UBE2V2: variants seen among roughly 807,000 people sequenced by gnomAD.
UBE2V2 encodes ubiquitin conjugating enzyme E2 V2, also known as ubiquitin-conjugating enzyme E2 variant 2.
Under a neutral mutation model 17.2 loss-of-function variants are expected in UBE2V2, and 9 were observed. The observed-to-expected ratio is 0.52, with a 90% CI of 0.32 to 0.91. UBE2V2 has a LOEUF of 0.91. Among genes scored for constraint, UBE2V2 ranks in the 40% least tolerant of loss-of-function variants. The pLI is 0.04. For missense variants in UBE2V2, 133 were observed against 182.6 expected, an observed-to-expected ratio of 0.73 and a Z score of 1.56; for synonymous variants, 61 against 57.5, an observed-to-expected ratio of 1.06 and a Z score of -0.28.
chr8:48,053,738 T>A (rs2091554605), intron 3 of UBE2V2, among the ~76,000 whole-genome samples: 1 of 151,646 alleles, frequency 6.6e-6, no homozygotes, highest in Admixed American at 6.6e-5. Context: ...ATTTTTTTCT[T>A]ATTAGTACAA....
intron 1 of UBE2V2, among the ~76,000 whole-genome samples, chr8:48,012,746 A>G (rs2091242358): frequency 6.6e-6 from 1 of 152,146 alleles, no homozygotes; most frequent in Admixed American, 6.6e-5. Flanking sequence ...AAGCGTGTGC[A>G]ATAGTTTTAA....
the UBE2V2 span, among the ~76,000 whole-genome samples, chr8:48,002,984 G>A: frequency 6.6e-6 from 1 of 152,132 alleles, no homozygotes; most frequent in African/African-American, 2.4e-5. Context: ...GGCCGAAGAA[G>A]GCGAATCATG....
At chr8:48,011,605 A>G (rs912800930) in intron 1 of UBE2V2, among the ~76,000 whole-genome samples, 10 of 152,220 alleles carry the variant, frequency 6.6e-5, no homozygotes, top group Admixed American at 6.5e-5. Context: ...TAGCCCCTTT[A>G]ACCCTTCCTT....
intron 3 of UBE2V2, among the ~76,000 whole-genome samples, chr8:48,059,337 T>C (rs1427445877): frequency 6.6e-6 from 1 of 151,930 alleles, no homozygotes; most frequent in East Asian, 1.9e-4. Flanking sequence ...ATGTGTGTGG[T>C]CTTCTAGATT....
At chr8:47,999,718 A>T in the UBE2V2 span, among the ~76,000 whole-genome samples, 7 of 152,166 alleles carry the variant, frequency 4.6e-5, no homozygotes, top group Admixed American at 2.0e-4. Context: ...CAAAAAACTT[A>T]TAAGTAAGTA....
rs567655059 is a variant in UBE2V2 at position 48,025,516 on chromosome 8, A to G, written c.16+17046A>G. ...TGGTCTTGAACTCCTGACATCAAGT[A>G]ATCTGCCCGCCTTGGCCTCCCAAAG... On this transcript the variant is annotated intron_variant, in intron 1 of 3. Coordinates refer to ENST00000523111, the MANE Select transcript of UBE2V2 (RefSeq NM_003350.3). 3.6e-5 allele frequency among the ~76,000 whole-genome samples: 5 copies of G among 137,614 alleles called. No individual in the cohort carries two copies. The South Asian group carries it at 9.3e-4, about 26-fold the overall frequency. The allele number at this position is 137,614 out of a possible 152,430, so 90.3% of individuals were successfully genotyped here.
intron 1 of UBE2V2, among the ~76,000 whole-genome samples, chr8:48,019,980 A>G (rs1389508442): frequency 6.6e-6 from 1 of 152,138 alleles, no homozygotes; most frequent in Non-Finnish European, 1.5e-5. Flanking sequence ...GTCTAAAAAG[A>G]AAAACAAAAA....
intron 1 of UBE2V2, among the ~76,000 whole-genome samples, chr8:48,012,495 G>A (rs1361250529): frequency 2.0e-5 from 3 of 152,094 alleles, no homozygotes; most frequent in African/African-American, 7.2e-5. Context: ...GAGGTGGGCG[G>A]ATTACCTGAG....
At chr8:48,015,399 A>T (rs766420985) in intron 1 of UBE2V2, among the ~76,000 whole-genome samples, 1 of 152,104 alleles carries the variant, frequency 6.6e-6, no homozygotes, top group Non-Finnish European at 1.5e-5. Flanking sequence ...AATTTGAACA[A>T]TGCTTGCTAA....
At chr8:48,046,497 C>T (rs2091500165) in intron 2 of UBE2V2, among the ~76,000 whole-genome samples, 2 of 152,198 alleles carry the variant, frequency 1.3e-5, no homozygotes, top group African/African-American at 4.8e-5. Context: ...AGATGATCCG[C>T]CCACCTCGGC....
intron 1 of UBE2V2, among the ~76,000 whole-genome samples, chr8:48,024,179 A>G (rs2091324556): frequency 6.6e-6 from 1 of 152,190 alleles, no homozygotes; most frequent in African/African-American, 2.4e-5. Flanking sequence ...AATAGAATAT[A>G]TGTTATGGAT....
At chr8:48,059,155 G>C (rs1402652827) in intron 3 of UBE2V2, among the ~76,000 whole-genome samples, 1 of 151,530 alleles carries the variant, frequency 6.6e-6, no homozygotes, top group Non-Finnish European at 1.5e-5. Flanking sequence ...GGCTGTTCTC[G>C]AACTCCTGAA....
intron 3 of UBE2V2, among the ~76,000 whole-genome samples, chr8:48,056,119 A>G (rs2091570180): frequency 1.3e-5 from 2 of 152,136 alleles, no homozygotes; most frequent in South Asian, 4.1e-4. Context: ...ATCATAGAGT[A>G]TGTGTTCTTT....
chr8:48,060,209 C>CTA (rs1802573290), intron 3 of UBE2V2, among the ~76,000 whole-genome samples: 1 of 43,822 alleles, frequency 2.3e-5, no homozygotes, highest in African/African-American at 7.0e-5. Flanking sequence ...GACTCTGTCT[C>CTA]AAAAAAAAAA....
intron 1 of UBE2V2, among the ~76,000 whole-genome samples, chr8:48,017,010 C>G (rs1273957548): frequency 6.6e-6 from 1 of 151,914 alleles, no homozygotes; most frequent in Non-Finnish European, 1.5e-5. Flanking sequence ...AGGCTGGTCT[C>G]AAACGCCCGA....
upstream of UBE2V2, among the ~76,000 whole-genome samples, chr8:48,007,968 G>C (rs910745471): frequency 6.6e-6 from 1 of 152,078 alleles, no homozygotes; most frequent in South Asian, 2.1e-4. Flanking sequence ...TGTTGTCCAG[G>C]CTGGAGTGCA....
intron 1 of UBE2V2, among the ~76,000 whole-genome samples, chr8:48,010,698 GTTT>G (rs556750645): frequency 1.0e-5 from 1 of 98,676 alleles, no homozygotes; most frequent in Non-Finnish European, 2.2e-5. Context: ...GGGTTTGTTT[GTTT>G]TTTTTTTTTT....
chr8:48,008,376 G>A (rs755663054), upstream of UBE2V2: 4 of 1,530,030 alleles, frequency 2.6e-6, no homozygotes, highest in South Asian at 1.2e-5. Flanking sequence ...TGTGACGCGT[G>A]CAGGGCGGCG....
chr8:48,060,919 G>A lies in UBE2V2; in HGVS notation c.*91G>A. 8.4e-7 allele frequency: 1 copy of A among 1,186,394 alleles called. No homozygotes were observed. The highest frequency in any genetic ancestry group is 1.1e-6 in the Non-Finnish European group (1 of 908,232). 73.5% of individuals were successfully genotyped at this position (1,186,394 alleles called of 1,614,324 possible). On this transcript the variant is annotated 3_prime_UTR_variant, in exon 4 of 4. Coordinates refer to ENST00000523111, the MANE Select transcript of UBE2V2 (RefSeq NM_003350.3). ...TATCACAATGCAAAATACACATTAA[G>A]TAAAAGAATTCCAGCTGGTAAACAT...
Sources: allele counts gnomAD v4.1 joint callset (sites outside exome capture counted in the v4.1 genomes callset), GRCh38; gene constraint gnomAD v4.1.1; transcripts MANE v1.5; gene names NCBI Gene and HGNC (gene_info 2026-07-23, HGNC 2026-07-21).